AGTRAP: variants seen among roughly 807,000 people sequenced by gnomAD.
AGTRAP encodes the protein angiotensin II receptor associated protein.
AGTRAP carries 7 observed loss-of-function variants against 15.2 expected under a neutral mutation model. The observed-to-expected ratio is 0.46, with a 90% CI of 0.26 to 0.87. AGTRAP has a LOEUF of 0.87. AGTRAP is among the 40% of genes least tolerant of loss of function. AGTRAP has a pLI of 0.15. For missense variants in AGTRAP, 187 were observed against 213.4 expected (o/e 0.88, Z 0.77); for synonymous variants, 74 against 89.6 (o/e 0.83, Z 0.98).
intron 1 of AGTRAP, 69 bp downstream of exon 1, chr1:11,736,304 TGGGA>T (rs1641895037): frequency 1.3e-6 from 2 of 1,570,646 alleles, no homozygotes; most frequent in Non-Finnish European, 1.7e-6. Context: ...TCCCGGAAGG[TGGGA>T]GGAAGGACCG....
chr1:11,750,356 A>C lies in AGTRAP; in HGVS notation c.*164A>C. The C allele has an allele frequency of 1.4e-6, 1 of 701,302 alleles. No homozygotes were observed. Among genetic ancestry groups the C allele is most frequent in the Non-Finnish European group, 2.6e-6 (1 of 390,754 alleles). 43.4% of individuals were successfully genotyped at this position (701,302 alleles called of 1,614,324 possible). A position where few individuals can be genotyped will look rare whatever the true frequency, so the allele number is the denominator to read the frequency against. ...CAGGAGCCCCCATGGGCCGCCCAGT[A>C]CCATGCACACTCCTGTCCCGAACTC... is the stretch of plus-strand genomic sequence containing the variant. On this transcript the variant is annotated 3_prime_UTR_variant, in exon 5 of 5. Transcript: ENST00000314340.
intron 4 of AGTRAP, among the ~76,000 whole-genome samples, chr1:11,748,961 C>T (rs1642245429): frequency 2.0e-5 from 3 of 152,174 alleles, no homozygotes; most frequent in South Asian, 2.1e-4. Flanking sequence ...ACCTACAGGT[C>T]TCCTCTCTGT....
chr1:11,747,570 G>A (rs1350899820), intron 3 of AGTRAP, 25 bp downstream of exon 3: 3 of 1,609,050 alleles, frequency 1.9e-6, no homozygotes, highest in Non-Finnish European at 2.5e-6. Context: ...GGGAGAGGCG[G>A]CAAGGCGGGG....
chr1:11,738,946 G>C (rs1454601008), intron 1 of AGTRAP, among the ~76,000 whole-genome samples: 1 of 152,154 alleles, frequency 6.6e-6, no homozygotes. Context: ...GCAAACAAAG[G>C]GTTTAAGTCT....
At chr1:11,748,151 C>T (rs1478370710) in intron 3 of AGTRAP, among the ~76,000 whole-genome samples, 1 of 152,196 alleles carries the variant, frequency 6.6e-6, no homozygotes, top group Non-Finnish European at 1.5e-5. Flanking sequence ...AAGTCTTGTG[C>T]CCATCATGGC....
At chr1:11,744,584 T>C in intron 1 of AGTRAP, 2 of 715,174 alleles carry the variant, frequency 2.8e-6, no homozygotes, top group South Asian at 3.0e-5. Flanking sequence ...TCCCCACCGC[T>C]CCGCTTCCCA....
At chr1:11,747,623 G>A (rs768052027) in intron 3 of AGTRAP, 78 bp downstream of exon 3, 65 of 1,438,114 alleles carry the variant, frequency 4.5e-5, no homozygotes, top group Non-Finnish European at 5.7e-5. Flanking sequence ...CTGCTACCCC[G>A]TCCCATCCCA....
In AGTRAP at chr1:11,748,545, C is replaced by A; in HGVS notation, c.299C>A (p.Pro100Gln). ...GCCATCCTCAGCTTGCTGCTCAAGC[C>A]GCTCTCCTGCTGCTTCGTCTACCAC... is the stretch of plus-strand genomic sequence containing the variant. ...GMAILSLLLKPLSCCFVYHMY... is the reference protein window; with the variant it reads ...GMAILSLLLKQLSCCFVYHMY... The change falls in exon 4 of 5, where the codon CCG (proline) becomes CAG (glutamine). Residue 100 changes from proline to glutamine, a missense_variant. Coordinates refer to ENST00000314340, the MANE Select transcript of AGTRAP (RefSeq NM_020350.5). The A allele has an allele frequency of 6.2e-7, 1 of 1,612,492 alleles. No homozygotes were observed. Among genetic ancestry groups the A allele is most frequent in the South Asian group, 1.1e-5 (1 of 91,092 alleles).
intron 1 of AGTRAP, among the ~76,000 whole-genome samples, chr1:11,740,476 T>C (rs1428782854): frequency 4.6e-5 from 7 of 152,206 alleles, no homozygotes; most frequent in African/African-American, 9.7e-5. Context: ...CAGAGGAGAC[T>C]GTGTGTGTGC....
Position 11,745,903 on chromosome 1 carries a change from G to A in AGTRAP, c.62+66G>A, listed in dbSNP as rs1333077308. 5 of 1,598,454 alleles carry A rather than the reference G, an allele frequency of 3.1e-6. No homozygotes were observed. In the East Asian group the frequency reaches 6.7e-5, roughly 21 times the overall value. ...TCAGGGTCTGTGTCAGCCGGGTCAG[G>A]TCCTGGTTCTGCCGTGTTTTAACCA... On this transcript the variant is annotated intron_variant, in intron 2 of 4. Coordinates refer to ENST00000314340, the MANE Select transcript of AGTRAP (RefSeq NM_020350.5). The surrounding 1 kb of genome is among the most constrained non-coding windows in gnomAD (Gnocchi z 4.2).
chr1:11,741,040 C>G (rs1189239807), intron 1 of AGTRAP, among the ~76,000 whole-genome samples: 3 of 151,962 alleles, frequency 2.0e-5, no homozygotes, highest in African/African-American at 7.3e-5. Context: ...GTCCTCATGC[C>G]CAGCCCTGCC....
In AGTRAP at chr1:11,750,491, T is replaced by C; in HGVS notation, c.*299T>C. ...ACCACAGAGGCCCTCAGCCGAGTCC[T>C]GCCTGAGTGTTGCAAGCTCAGGCCT... On this transcript the variant is annotated 3_prime_UTR_variant, in exon 5 of 5. Transcript: ENST00000314340. The C allele has an allele frequency of 3.4e-6, 2 of 587,510 alleles. No homozygotes were observed. The highest frequency in any genetic ancestry group is 6.1e-6 in the Non-Finnish European group (2 of 329,602). The allele number at this position is 587,510 out of a possible 1,614,324, so 36.4% of individuals were successfully genotyped here.
At chr1:11,750,016 G>A (rs192798353) in intron 4 of AGTRAP, 61 bp from the exon 5 acceptor site, 1 of 1,406,358 alleles carries the variant, frequency 7.1e-7, no homozygotes, top group Admixed American at 1.9e-5. Context: ...GTTGGACTCA[G>A]CTGAACATCC....
chr1:11,740,113 C>T (rs770492924), intron 1 of AGTRAP, among the ~76,000 whole-genome samples: 16 of 152,250 alleles, frequency 1.1e-4, no homozygotes, highest in Non-Finnish European at 1.8e-4. Context: ...CCCTGCCACC[C>T]GTTTAGCTCA....
chr1:11,744,600 G>C (rs1387721810), intron 1 of AGTRAP: 5 of 714,022 alleles, frequency 7.0e-6, no homozygotes, highest in Admixed American at 2.0e-5. Context: ...TCCCATCGAG[G>C]CCTCTTCTGA....
intron 1 of AGTRAP, among the ~76,000 whole-genome samples, chr1:11,742,441 G>GTTCCTTCC (rs147888116): frequency 1.3e-5 from 2 of 149,040 alleles, no homozygotes; most frequent in African/African-American, 5.0e-5. Flanking sequence ...CCCTTCCTTC[G>GTTCCTTCC]TTCCTTCCTT....
Position 11,750,526 on chromosome 1 carries a change from G to T in AGTRAP, c.*334G>T. On this transcript the variant is annotated 3_prime_UTR_variant, in exon 5 of 5. Transcript: ENST00000314340. The stretch of plus-strand genomic sequence containing the variant: ...TTGCAAGCTCAGGCCTTTAAGGACT[G>T]CTGATGCCCCCTCAGGCCTCCCCCA... 2 of 561,482 alleles carry T rather than the reference G, an allele frequency of 3.6e-6. No homozygotes were observed. Among genetic ancestry groups the T allele is most frequent in the South Asian group, 4.6e-5 (2 of 43,280 alleles). The allele number at this position is 561,482 out of a possible 1,614,324, so 34.8% of individuals were successfully genotyped here.
Position 11,745,609 on chromosome 1 carries a change from G to A in AGTRAP, c.28-194G>A, listed in dbSNP as rs899958140. 3.3e-5 allele frequency among the ~76,000 whole-genome samples: 5 copies of A among 152,170 alleles called. No homozygotes were observed. Among genetic ancestry groups the A allele is most frequent in the African/African-American group, 1.2e-4 (5 of 41,442 alleles). On this transcript the variant is annotated intron_variant, in intron 1 of 4. Coordinates refer to ENST00000314340, the MANE Select transcript of AGTRAP (RefSeq NM_020350.5). The surrounding 1 kb of genome is among the most constrained non-coding windows in gnomAD (Gnocchi z 4.2). ...GAAGGCATGAAGCGGCCCCTCCCTG[G>A]CCTGGCCTGCTTTCTTCCTCCTCCT...
chr1:11,741,293 C>G (rs1350399751), intron 1 of AGTRAP, among the ~76,000 whole-genome samples: 1 of 152,188 alleles, frequency 6.6e-6, no homozygotes, highest in Non-Finnish European at 1.5e-5. Flanking sequence ...TGCCCTTTCC[C>G]TTGCTTTCCT....
Sources: allele counts gnomAD v4.1 joint callset (sites outside exome capture counted in the v4.1 genomes callset), GRCh38; gene constraint gnomAD v4.1.1; non-coding constraint Gnocchi (gnomAD v3.1); transcripts MANE v1.5; gene names NCBI Gene and HGNC (gene_info 2026-07-23, HGNC 2026-07-21).